Variants in PRDM2 observed in about 807,000 individuals in gnomAD.
PRDM2 encodes the protein PR/SET domain 2.
A neutral mutation model predicts 130.0 loss-of-function variants in PRDM2; 30 were observed. The ratio of observed to expected loss-of-function variants is 0.23; its 90% CI spans 0.17 to 0.31. The LOEUF (loss-of-function observed/expected upper bound fraction) is 0.31. Among genes scored for constraint, PRDM2 ranks in the 10% least tolerant of loss-of-function variants. The pLI, the probability that PRDM2 is intolerant of heterozygous loss-of-function variation, is 1.00. For synonymous variants in PRDM2, 871 were observed against 782.4 expected, an observed-to-expected ratio of 1.11 and a Z score of -1.89; for missense variants, 2,011 against 2,108.4, an observed-to-expected ratio of 0.95 and a Z score of 0.90.
chr1:13,793,189 C>T lies in PRDM2; in HGVS notation c.5036+10358C>T, dbSNP rs188081306. Among the ~76,000 whole-genome samples, 214 of 152,356 alleles carry T rather than the reference C, an allele frequency of 1.4e-3. 2 individuals carry two copies. Among genetic ancestry groups the T allele is most frequent in the African/African-American group, 5.0e-3 (206 of 41,586 alleles). Reference sequence around the variant, plus strand: ...AGTTACTGAGTGGCAGGGCATGCTGCCCACAGAGTGACCAGCTTCCTGGCC... The same window carrying T: ...AGTTACTGAGTGGCAGGGCATGCTGTCCACAGAGTGACCAGCTTCCTGGCC... On this transcript the variant is annotated intron_variant, in intron 8 of 9. Transcript: ENST00000311066.
At chr1:13,800,176 T>A (rs943624638) in intron 8 of PRDM2, among the ~76,000 whole-genome samples, 1 of 146,692 alleles carries the variant, frequency 6.8e-6, no homozygotes, top group Non-Finnish European at 1.5e-5. Flanking sequence ...TGTCACAATG[T>A]CCTACTCCAC....
At position 13,778,873 on chromosome 1, in the gene PRDM2, T is replaced by G. The variant is rs1367067284; in HGVS notation, c.1078T>G (p.Phe360Val). Residue 360 changes from phenylalanine (F) to valine (V), a missense_variant, in exon 8 of 10, where the codon TTT becomes GTT. Coordinates refer to ENST00000311066, the MANE Select transcript of PRDM2 (RefSeq NM_001393986.1). ...ANGDVFETFMFPCQHCERKFT... is the reference protein window; with the variant it reads ...ANGDVFETFMVPCQHCERKFT... ...TGGTGATGTATTTGAAACGTTTATG[T>G]TTCCGTGTCAACATTGTGAAAGGAA... The G allele has an allele frequency of 6.2e-7, 1 of 1,614,236 alleles. No individual in the cohort carries two copies. Among genetic ancestry groups the G allele is most frequent in the South Asian group, 1.1e-5 (1 of 91,086 alleles).
intron 1 of PRDM2, chr1:13,705,202 C>T (rs1036595103): frequency 6.6e-6 from 1 of 152,116 alleles, no homozygotes; most frequent in Non-Finnish European, 1.5e-5. Flanking sequence ...TTGTCTCTTA[C>T]TATTTGTAAA....
At chr1:13,724,099 A>C (rs1642827144) in intron 2 of PRDM2, among the ~76,000 whole-genome samples, 1 of 152,220 alleles carries the variant, frequency 6.6e-6, no homozygotes, top group Admixed American at 6.5e-5. Context: ...CTCTGGGTAG[A>C]GCCCAGGCCT....
chr1:13,761,725 T>C (rs749713853), intron 6 of PRDM2, among the ~76,000 whole-genome samples: 2 of 152,076 alleles, frequency 1.3e-5, no homozygotes, highest in African/African-American at 2.4e-5. Context: ...TGAACCAGTA[T>C]GTTCAGTTTT....
At chr1:13,757,778 C>CTTT (rs34501705) in intron 6 of PRDM2, among the ~76,000 whole-genome samples, 4 of 105,892 alleles carry the variant, frequency 3.8e-5, no homozygotes, top group South Asian at 3.4e-4. Context: ...AGGTGGATAG[C>CTTT]TTTTTTTTTT....
rs1192003554 is a variant in PRDM2 at position 13,780,887 on chromosome 1, C to A, written c.3092C>A (p.Pro1031His). 5 of 1,613,344 alleles carry A rather than the reference C, an allele frequency of 3.1e-6. No homozygotes were observed. Among genetic ancestry groups the A allele is most frequent in the Non-Finnish European group, 3.4e-6 (4 of 1,179,454 alleles). ...PILSPTVSPSPSPIPPVEPLM... is the reference protein window; with the variant it reads ...PILSPTVSPSHSPIPPVEPLM... ...CTGTCCCCAACAGTGTCCCCCTCTC[C>A]CTCTCCCATTCCTCCCGTGGAGCCC... The change falls in exon 8 of 10, where the codon CCC (proline) becomes CAC (histidine). Residue 1031 changes from proline (P) to histidine (H), a missense_variant. Physicochemically the swap from Pro to His is moderately conservative, Grantham distance 77. Transcript: ENST00000311066.
chr1:13,770,287 A>G (rs770572752), intron 6 of PRDM2: 1 of 474,052 alleles, frequency 2.1e-6, no homozygotes, highest in Non-Finnish European at 4.2e-6. Context: ...GTGCTCTAAC[A>G]TTCTTTTAGG....
Position 13,803,331 on chromosome 1 carries a change from G to A in PRDM2, c.5037-13096G>A, listed in dbSNP as rs775406475. ...TTCAGGAAACGTTCTCTGAGCACCA[G>A]CCTTTGCTAGGCCCCGTGGCAGGTT... On this transcript the variant is annotated intron_variant, in intron 8 of 9. Transcript: ENST00000311066. This position sits in a 1 kb window ranked among gnomAD's most constrained non-coding sequence, Gnocchi z 6.2. 5.3e-5 allele frequency among the ~76,000 whole-genome samples: 8 copies of A among 152,202 alleles called. No individual in the cohort carries two copies. Among genetic ancestry groups the A allele is most frequent in the Non-Finnish European group, 4.4e-5 (3 of 68,044 alleles).
Position 13,780,866 on chromosome 1 carries a change from C to A in PRDM2, c.3071C>A (p.Ser1024Tyr), listed in dbSNP as rs758717656. 6.2e-7 allele frequency: 1 copy of A among 1,611,828 alleles called. No individual in the cohort carries two copies. Among genetic ancestry groups the A allele is most frequent in the African/African-American group, 1.3e-5 (1 of 74,646 alleles). ...GCACAGTCCCCACTTCCAATTCTGTCCCCAACAGTGTCCCCCTCTCCCTCT... is the reference window on the plus strand; with the variant it reads ...GCACAGTCCCCACTTCCAATTCTGTACCCAACAGTGTCCCCCTCTCCCTCT... ...ATAQSPLPIL[S>Y]PTVSPSPSPI... Residue 1024 changes from serine to tyrosine, a missense_variant, in exon 8 of 10, where the codon TCC becomes TAC. Transcript: ENST00000311066.
intron 6 of PRDM2, among the ~76,000 whole-genome samples, chr1:13,764,561 A>T (rs759335027): frequency 2.0e-5 from 3 of 152,210 alleles, no homozygotes; most frequent in Non-Finnish European, 2.9e-5. Context: ...AGTCAAAACC[A>T]CTGAAAGCCT....
At position 13,780,447 on chromosome 1, in the gene PRDM2, C is replaced by T. The variant is rs771438262; in HGVS notation, c.2652C>T (p.Thr884=). ...TCSAVKKRKP[T]TCMLQKVLLN... ...GTGCTGTAAAGAAAAGGAAACCAACCACCTGCATGCTGCAGAAGGTTCTTC... is the reference window on the plus strand; with the variant it reads ...GTGCTGTAAAGAAAAGGAAACCAACTACCTGCATGCTGCAGAAGGTTCTTC... The change falls in exon 8 of 10, where the codon ACC becomes ACT. Residue 884 remains threonine (T), a synonymous_variant. Coordinates refer to ENST00000311066, the MANE Select transcript of PRDM2 (RefSeq NM_001393986.1). 8.7e-6 allele frequency: 14 copies of T among 1,614,072 alleles called. No homozygotes were observed. In the Admixed American group the frequency reaches 2.2e-4, roughly 25 times the overall value.
At chr1:13,725,812 G>A (rs887660382) in intron 2 of PRDM2, among the ~76,000 whole-genome samples, 7 of 152,154 alleles carry the variant, frequency 4.6e-5, no homozygotes, top group African/African-American at 1.7e-4. Context: ...CCCCAGAAAG[G>A]GAATTCTCAG....
chr1:13,750,823 A>G (rs1469606540), intron 6 of PRDM2, among the ~76,000 whole-genome samples: 2 of 150,718 alleles, frequency 1.3e-5, no homozygotes, highest in South Asian at 2.1e-4. Flanking sequence ...TTTTATTGCT[A>G]TTAGGCTTAG....
At chr1:13,726,936 G>A (rs1442724144) in intron 2 of PRDM2, among the ~76,000 whole-genome samples, 1 of 152,060 alleles carries the variant, frequency 6.6e-6, no homozygotes, top group East Asian at 1.9e-4. Context: ...GGTGCCTTGC[G>A]GAGCTTGCGA....
intron 9 of PRDM2, among the ~76,000 whole-genome samples, chr1:13,822,907 G>A (rs570159000): frequency 6.6e-6 from 1 of 152,224 alleles, no homozygotes; most frequent in African/African-American, 2.4e-5. Context: ...GGGCGGGAGG[G>A]TTCATGTATC....
At chr1:13,784,467 T>C (rs1156508320) in intron 8 of PRDM2, among the ~76,000 whole-genome samples, 1 of 152,236 alleles carries the variant, frequency 6.6e-6, no homozygotes, top group Non-Finnish European at 1.5e-5. Flanking sequence ...CTAAAAGAAA[T>C]GCTTGTTTTG....
At chr1:13,749,337 C>T (rs746288161) in intron 5 of PRDM2, 24 bp from the exon 6 acceptor site, 6 of 1,463,420 alleles carry the variant, frequency 4.1e-6, no homozygotes, top group African/African-American at 1.5e-5. Context: ...ATTGGCCCGG[C>T]GCTTGTCTCT....
At chr1:13,818,445 C>T (rs1235706487) in intron 9 of PRDM2, among the ~76,000 whole-genome samples, 1 of 146,086 alleles carries the variant, frequency 6.8e-6, no homozygotes, top group East Asian at 2.0e-4. Context: ...GTGGCGCGAT[C>T]TTGACTCACT....
Sources: allele counts gnomAD v4.1 joint callset (sites outside exome capture counted in the v4.1 genomes callset), GRCh38; gene constraint gnomAD v4.1.1; non-coding constraint Gnocchi (gnomAD v3.1); transcripts MANE v1.5; gene names NCBI Gene and HGNC (gene_info 2026-07-23, HGNC 2026-07-21).